MYO9A: variants seen among roughly 807,000 people sequenced by gnomAD.
MYO9A encodes unconventional myosin-IXa.
MYO9A carries 103 observed loss-of-function variants against 293.3 expected under a neutral mutation model. That is an observed-to-expected ratio of 0.35 (90% CI 0.30 to 0.41). The LOEUF is 0.41. Among genes scored for constraint, MYO9A ranks in the 10% least tolerant of loss-of-function variants. The pLI, the probability that MYO9A is intolerant of heterozygous loss-of-function variation, is 1.00. For missense variants in MYO9A, 2,685 were observed against 3,033.0 expected (o/e 0.89, Z 2.69); for synonymous variants, 1,001 against 1,035.7 (o/e 0.97, Z 0.64).
intron 18 of MYO9A, among the ~76,000 whole-genome samples, chr15:71,918,874 C>T (rs768101479): frequency 2.0e-5 from 3 of 152,138 alleles, no homozygotes; most frequent in Non-Finnish European, 4.4e-5. Flanking sequence ...GTTTGAAAAA[C>T]CAAACATGAC....
intron 11 of MYO9A, among the ~76,000 whole-genome samples, chr15:71,981,595 C>T (rs946017226): frequency 1.3e-5 from 2 of 151,080 alleles, no homozygotes; most frequent in African/African-American, 4.9e-5. Flanking sequence ...AGAGTAATAC[C>T]CTCTATCACT....
intron 15 of MYO9A, among the ~76,000 whole-genome samples, chr15:71,949,295 C>T (rs995179811): frequency 6.6e-6 from 1 of 152,038 alleles, no homozygotes; most frequent in African/African-American, 2.4e-5. Context: ...CTCTGCCTCC[C>T]AGGTTCAAGC....
chr15:71,878,740 A>ATTT (rs200866619), intron 30 of MYO9A, among the ~76,000 whole-genome samples: 12,431 of 108,310 alleles, frequency 0.11, 1,036 homozygotes, highest in Non-Finnish European at 0.17. Context: ...GAGATCTGGA[A>ATTT]TTTTTTTTTT....
intron 11 of MYO9A, among the ~76,000 whole-genome samples, chr15:71,989,292 A>G (rs2076479106): frequency 6.6e-6 from 1 of 152,178 alleles, no homozygotes; most frequent in South Asian, 2.1e-4. Flanking sequence ...CTTTGTATCT[A>G]CACTCTGTAC....
chr15:72,099,909 CAAA>C (rs34892673), intron 1 of MYO9A, among the ~76,000 whole-genome samples: 7 of 39,816 alleles, frequency 1.8e-4, no homozygotes, highest in East Asian at 1.0e-3. Flanking sequence ...GACTTGGTCT[CAAA>C]AAAAAAAAAA....
At chr15:71,968,748 G>A (rs1243092233) in intron 12 of MYO9A, among the ~76,000 whole-genome samples, 1 of 152,082 alleles carries the variant, frequency 6.6e-6, no homozygotes, top group Non-Finnish European at 1.5e-5. Flanking sequence ...TGTAAATAAT[G>A]AAAAAGTTCA....
Position 71,826,917 on chromosome 15 carries a change from C to CTTA in MYO9A, c.7309_7310insTAA (p.Cys2437delinsLeuSer), listed in dbSNP as rs781560330. ...ATGAGATGATGCCGTGTTAGACAGA[C>CTTA]ATAAAGAGGAGACCGAAGAGTCCAC... On this transcript the variant is annotated protein_altering_variant, in exon 42 of 42. Transcript: ENST00000356056. The CTTA allele has an allele frequency of 3.7e-6, 6 of 1,613,928 alleles. No homozygotes were observed. In the Admixed American group the frequency reaches 1.0e-4, roughly 27 times the overall value.
chr15:71,954,863 T>C (rs372917272), intron 14 of MYO9A, among the ~76,000 whole-genome samples: 84 of 152,342 alleles, frequency 5.5e-4, no homozygotes, highest in African/African-American at 1.9e-3. Flanking sequence ...GGCAATATCT[T>C]TGGCCCTATA....
intron 33 of MYO9A, among the ~76,000 whole-genome samples, chr15:71,862,059 G>A (rs2056156491): frequency 6.6e-6 from 1 of 152,188 alleles, no homozygotes; most frequent in Admixed American, 6.5e-5. Context: ...TTGAACCTGG[G>A]AAGCAGAGGT....
chr15:71,931,331 G>A (rs919864021), intron 18 of MYO9A, among the ~76,000 whole-genome samples: 40 of 152,280 alleles, frequency 2.6e-4, no homozygotes, highest in African/African-American at 9.6e-4. Context: ...TGAGAAAGTT[G>A]TTATCTCCTT....
chr15:72,063,647 AC>A (rs1179615774), intron 1 of MYO9A, among the ~76,000 whole-genome samples: 1 of 152,220 alleles, frequency 6.6e-6, no homozygotes, highest in Non-Finnish European at 1.5e-5. Context: ...TCCAAGACAG[AC>A]AACAACAAAT....
intron 13 of MYO9A, among the ~76,000 whole-genome samples, chr15:71,963,085 T>C (rs1390165170): frequency 6.6e-6 from 1 of 152,126 alleles, no homozygotes; most frequent in Non-Finnish European, 1.5e-5. Context: ...TCTCTTTTTT[T>C]GGTTTGTTTG....
chr15:72,032,259 G>A (rs2077895649), intron 3 of MYO9A, among the ~76,000 whole-genome samples: 1 of 151,974 alleles, frequency 6.6e-6, no homozygotes, highest in Non-Finnish European at 1.5e-5. Flanking sequence ...TATATAGAAA[G>A]CAAATGCAAC....
intron 35 of MYO9A, among the ~76,000 whole-genome samples, chr15:71,853,137 A>T (rs990133439): frequency 2.7e-5 from 4 of 146,660 alleles, no homozygotes; most frequent in African/African-American, 1.0e-4. Flanking sequence ...GTGCTGAAGC[A>T]CTGTTATACT....
At chr15:72,002,220 C>A (rs998565753) in intron 8 of MYO9A, among the ~76,000 whole-genome samples, 1 of 151,486 alleles carries the variant, frequency 6.6e-6, no homozygotes, top group Non-Finnish European at 1.5e-5. Context: ...CCTGGAGCTA[C>A]AGGCACATGC....
intron 13 of MYO9A, among the ~76,000 whole-genome samples, chr15:71,962,938 C>T (rs1263665802): frequency 6.6e-6 from 1 of 152,188 alleles, no homozygotes; most frequent in Admixed American, 6.5e-5. Flanking sequence ...CCATATCATT[C>T]TTCTTCAAAA....
At position 71,980,268 on chromosome 15, in the gene MYO9A, T is replaced by A. The variant is rs992632651; in HGVS notation, c.1723-1976A>T. Among the ~76,000 whole-genome samples, 2 of 152,352 alleles carry A rather than the reference T, an allele frequency of 1.3e-5. 1 individual carries two copies. Among genetic ancestry groups the A allele is most frequent in the Non-Finnish European group, 2.9e-5 (2 of 68,036 alleles). Reference sequence around the variant, plus strand: ...ATCTTTGAGTGAAAACACAGGATTATAAACTACATGTTTAACCACAGCAGA... The same window carrying A: ...ATCTTTGAGTGAAAACACAGGATTAAAAACTACATGTTTAACCACAGCAGA... On this transcript the variant is annotated intron_variant, in intron 11 of 41. Transcript: ENST00000356056.
intron 2 of MYO9A, among the ~76,000 whole-genome samples, chr15:72,035,702 G>A (rs2078024330): frequency 6.6e-6 from 1 of 152,174 alleles, no homozygotes; most frequent in Admixed American, 6.5e-5. Flanking sequence ...CTAATCTGGA[G>A]GCTGAGGTGG....
intron 10 of MYO9A, among the ~76,000 whole-genome samples, chr15:71,992,851 A>C (rs1435452812): frequency 2.0e-5 from 3 of 151,700 alleles, no homozygotes; most frequent in African/African-American, 4.8e-5. Flanking sequence ...TTGGGCTAGA[A>C]GAGGCCTTCC....
Sources: allele counts gnomAD v4.1 joint callset (sites outside exome capture counted in the v4.1 genomes callset), GRCh38; gene constraint gnomAD v4.1.1; transcripts MANE v1.5; gene names NCBI Gene and HGNC (gene_info 2026-07-23, HGNC 2026-07-21).